RPS6KC1: variants seen among roughly 807,000 people sequenced by gnomAD.
RPS6KC1 encodes ribosomal protein S6 kinase C1.
A neutral mutation model predicts 103.8 loss-of-function variants in RPS6KC1; 54 were observed. That is an observed-to-expected ratio of 0.52 (90% CI 0.42 to 0.65). The LOEUF is 0.65. RPS6KC1 is among the 30% of genes least tolerant of loss of function. The pLI is 0.00. For synonymous variants in RPS6KC1, 439 were observed against 438.7 expected (o/e 1.00, Z -0.01); for missense variants, 1,151 against 1,253.8 (o/e 0.92, Z 1.24).
the RPS6KC1 span, among the ~76,000 whole-genome samples, chr1:213,557,813 C>G: frequency 6.6e-6 from 1 of 151,540 alleles, no homozygotes; most frequent in East Asian, 1.9e-4. Context: ...TGCCTCTTCC[C>G]ACTGCATCCA....
the RPS6KC1 span, among the ~76,000 whole-genome samples, chr1:213,486,666 T>A: frequency 2.0e-5 from 3 of 152,108 alleles, no homozygotes; most frequent in Non-Finnish European, 4.4e-5. Context: ...TGTGATGACA[T>A]CATAAGAGGC....
the RPS6KC1 span, among the ~76,000 whole-genome samples, chr1:213,791,534 A>G: frequency 5.9e-5 from 9 of 152,204 alleles, no homozygotes; most frequent in African/African-American, 1.2e-4. Flanking sequence ...GGGAATTTCA[A>G]TAGCCTGATC....
At chr1:213,313,578 C>T in the RPS6KC1 span, among the ~76,000 whole-genome samples, 1 of 152,178 alleles carries the variant, frequency 6.6e-6, no homozygotes, top group Non-Finnish European at 1.5e-5. Context: ...TTTGTTGTGT[C>T]CATTTCGCAG....
the RPS6KC1 span, among the ~76,000 whole-genome samples, chr1:213,322,210 G>A: frequency 1.3e-5 from 2 of 152,200 alleles, no homozygotes; most frequent in African/African-American, 4.8e-5. Context: ...GGAGGCCGAG[G>A]CAGGAGAATT....
chr1:213,115,578 T>C (rs1333679225), intron 4 of RPS6KC1, among the ~76,000 whole-genome samples: 1 of 152,194 alleles, frequency 6.6e-6, no homozygotes. Context: ...ATTTTAGTTA[T>C]TTCTTGCCTT....
intron 3 of RPS6KC1, among the ~76,000 whole-genome samples, chr1:213,085,457 A>G (rs185687597): frequency 2.6e-5 from 4 of 152,274 alleles, no homozygotes; most frequent in Admixed American, 2.0e-4. Flanking sequence ...TACACAATGT[A>G]TATTCATTTT....
At chr1:213,481,744 C>G in the RPS6KC1 span, among the ~76,000 whole-genome samples, 1 of 152,098 alleles carries the variant, frequency 6.6e-6, no homozygotes. Context: ...AGATTTCTGT[C>G]TTTTAATAGA....
the RPS6KC1 span, among the ~76,000 whole-genome samples, chr1:213,850,749 C>T: frequency 2.7e-5 from 4 of 150,556 alleles, no homozygotes; most frequent in East Asian, 7.8e-4. Flanking sequence ...AATCTTTGGA[C>T]ACTGGTGATT....
the RPS6KC1 span, among the ~76,000 whole-genome samples, chr1:213,363,632 T>TTCTC: frequency 1.4e-3 from 36 of 26,298 alleles, 5 homozygotes; most frequent in African/African-American, 7.0e-3. Flanking sequence ...CTTGCTTTCT[T>TTCTC]TCTTTCTTTC....
chr1:213,638,892 G>A, the RPS6KC1 span, among the ~76,000 whole-genome samples: 2 of 152,024 alleles, frequency 1.3e-5, no homozygotes, highest in Non-Finnish European at 2.9e-5. Context: ...TGCAAAAAAG[G>A]CATGCTGGAA....
the RPS6KC1 span, among the ~76,000 whole-genome samples, chr1:213,745,533 A>G: frequency 6.6e-6 from 1 of 151,886 alleles, no homozygotes; most frequent in African/African-American, 2.4e-5. Context: ...GTGGATTTGG[A>G]TTTCAAACAC....
At chr1:213,210,584 T>C (rs892430343) in intron 8 of RPS6KC1, among the ~76,000 whole-genome samples, 5 of 152,342 alleles carry the variant, frequency 3.3e-5, no homozygotes, top group Admixed American at 1.3e-4. Context: ...TATTGTGCCT[T>C]TGTGTTTCAT....
chr1:213,644,456 CAT>C, the RPS6KC1 span, among the ~76,000 whole-genome samples: 2 of 152,070 alleles, frequency 1.3e-5, no homozygotes, highest in African/African-American at 4.8e-5. Context: ...TATCATGACA[CAT>C]ATCCACGAGT....
chr1:213,400,299 T>A, the RPS6KC1 span, among the ~76,000 whole-genome samples: 1 of 152,162 alleles, frequency 6.6e-6, no homozygotes, highest in Non-Finnish European at 1.5e-5. Flanking sequence ...AGCTCGACCA[T>A]AAGAGAACAG....
At chr1:213,151,175 C>G (rs2088776285) in intron 6 of RPS6KC1, among the ~76,000 whole-genome samples, 1 of 136,572 alleles carries the variant, frequency 7.3e-6, no homozygotes, top group African/African-American at 2.7e-5. Context: ...GGGGGCTGAC[C>G]CCCCCACCTC....
chr1:213,359,570 T>C, the RPS6KC1 span, among the ~76,000 whole-genome samples: 1 of 152,180 alleles, frequency 6.6e-6, no homozygotes, highest in Non-Finnish European at 1.5e-5. Context: ...AAAGTTAATA[T>C]TGTTATGTGT....
chr1:213,803,027 T>C, the RPS6KC1 span, among the ~76,000 whole-genome samples: 4 of 152,274 alleles, frequency 2.6e-5, no homozygotes, highest in African/African-American at 9.6e-5. Context: ...TGGGACCATA[T>C]CTTCACTCCT....
At chr1:213,614,732 C>T in the RPS6KC1 span, among the ~76,000 whole-genome samples, 1 of 152,198 alleles carries the variant, frequency 6.6e-6, no homozygotes, top group African/African-American at 2.4e-5. Context: ...AGAAGTGTCC[C>T]ACACTGCCCT....
the RPS6KC1 span, among the ~76,000 whole-genome samples, chr1:213,458,299 C>A: frequency 6.6e-6 from 1 of 152,190 alleles, no homozygotes; most frequent in Non-Finnish European, 1.5e-5. Flanking sequence ...TGGCCTCCAG[C>A]TGCATCCATG....
Sources: gnomAD v4.1 joint callset for allele counts (sites outside exome capture counted in the v4.1 genomes callset) on GRCh38, gnomAD v4.1.1 for gene constraint, MANE v1.5 for transcripts, NCBI Gene and HGNC (gene_info 2026-07-23, HGNC 2026-07-21) for gene names.